The following VPS13B variants were observed in gnomAD, a reference collection of about 807,000 sequenced individuals.
VPS13B encodes the protein vacuolar protein sorting 13 homolog B.
A neutral mutation model predicts 426.4 loss-of-function variants in VPS13B; 285 were observed. The observed-to-expected ratio is 0.67, with a 90% CI of 0.61 to 0.74. The LOEUF is 0.74. Ranked by LOEUF, VPS13B falls within the 30% of genes least tolerant of loss-of-function variation. VPS13B has a pLI of 0.00. For missense variants in VPS13B, 4,537 were observed against 4,782.6 expected (o/e 0.95, Z 1.51); for synonymous variants, 1,676 against 1,676.4 (o/e 1.00, Z 0.01).
intron 16 of VPS13B, among the ~76,000 whole-genome samples, chr8:99,171,277 A>C (rs188127698): frequency 6.6e-6 from 1 of 151,920 alleles, no homozygotes; most frequent in African/African-American, 2.4e-5. Flanking sequence ...GGTATGTTGC[A>C]TTTGAGTCAA....
chr8:99,109,384 C>CTT (rs1218412171), intron 5 of VPS13B, among the ~76,000 whole-genome samples: 5 of 140,862 alleles, frequency 3.5e-5, no homozygotes, highest in South Asian at 2.3e-4. Context: ...CTTTTTCTTT[C>CTT]TTTCTTTTTT....
chr8:99,494,479 T>C (rs1820786298), intron 25 of VPS13B, among the ~76,000 whole-genome samples: 1 of 152,166 alleles, frequency 6.6e-6, no homozygotes, highest in Non-Finnish European at 1.5e-5. Flanking sequence ...GGAATTATTC[T>C]GTTAATTTCT....
intron 33 of VPS13B, among the ~76,000 whole-genome samples, chr8:99,620,814 A>C (rs1588558031): frequency 6.6e-6 from 1 of 151,584 alleles, no homozygotes; most frequent in South Asian, 2.1e-4. Flanking sequence ...TCTACTAAAA[A>C]AAAAAAATAT....
intron 17 of VPS13B, among the ~76,000 whole-genome samples, chr8:99,269,685 A>G (rs1180665016): frequency 2.0e-5 from 3 of 152,176 alleles, no homozygotes; most frequent in African/African-American, 4.8e-5. Context: ...TGCTTCCCTA[A>G]TAGTAAATTT....
intron 39 of VPS13B, among the ~76,000 whole-genome samples, chr8:99,756,551 A>C (rs1437147702): frequency 1.3e-5 from 2 of 152,236 alleles, no homozygotes; most frequent in African/African-American, 2.4e-5. Flanking sequence ...CTTAGACACA[A>C]ACTGTCAAAA....
Position 99,071,380 on chromosome 8 carries a change from G to T in VPS13B, c.292-24932G>T, listed in dbSNP as rs559215700. ...AGAAGTATTGCCTTTGTGGTCTTCAGTAAGGTCCAAGAGAATTTCCTGGAT... is the reference window on the plus strand; with the variant it reads ...AGAAGTATTGCCTTTGTGGTCTTCATTAAGGTCCAAGAGAATTTCCTGGAT... On this transcript the variant is annotated intron_variant, in intron 3 of 61. Transcript: ENST00000357162. Among the ~76,000 whole-genome samples, 94 of 152,258 alleles carry T rather than the reference G, an allele frequency of 6.2e-4. 1 individual carries two copies. Among genetic ancestry groups the T allele is most frequent in the Non-Finnish European group, 4.4e-5 (3 of 68,016 alleles).
At chr8:99,335,014 GA>G (rs1341426311) in intron 19 of VPS13B, among the ~76,000 whole-genome samples, 1 of 152,036 alleles carries the variant, frequency 6.6e-6, no homozygotes, top group Non-Finnish European at 1.5e-5. Flanking sequence ...GTAAGCTATT[GA>G]TTATTGCCAC....
intron 39 of VPS13B, among the ~76,000 whole-genome samples, chr8:99,744,218 A>G (rs1237121661): frequency 1.3e-5 from 2 of 152,246 alleles, no homozygotes; most frequent in Non-Finnish European, 2.9e-5. Context: ...ACATGAAAAA[A>G]TGCTCATCAT....
intron 54 of VPS13B, among the ~76,000 whole-genome samples, chr8:99,848,529 C>T (rs1233231667): frequency 6.6e-6 from 1 of 152,188 alleles, no homozygotes; most frequent in Non-Finnish European, 1.5e-5. Flanking sequence ...AATGAAGATA[C>T]TCATGCCCCA....
At chr8:99,865,166 C>T (rs992104014) in intron 58 of VPS13B, among the ~76,000 whole-genome samples, 15 of 152,166 alleles carry the variant, frequency 9.9e-5, no homozygotes, top group Admixed American at 2.0e-4. Flanking sequence ...GGAAAAACTC[C>T]GTTTAGCCTG....
chr8:99,318,816 C>A (rs934125989), intron 19 of VPS13B, among the ~76,000 whole-genome samples: 1 of 152,100 alleles, frequency 6.6e-6, no homozygotes, highest in South Asian at 2.1e-4. Context: ...CCACCACACC[C>A]GCCCTACATG....
chr8:99,123,990 C>T (rs185861324), intron 8 of VPS13B, among the ~76,000 whole-genome samples: 2 of 152,136 alleles, frequency 1.3e-5, no homozygotes, highest in Admixed American at 6.5e-5. Context: ...ATTTGATAGT[C>T]ATGATCATAT....
intron 12 of VPS13B, among the ~76,000 whole-genome samples, chr8:99,142,410 C>T (rs1205085840): frequency 6.6e-6 from 1 of 151,990 alleles, no homozygotes; most frequent in Non-Finnish European, 1.5e-5. Flanking sequence ...ATTTAGAAAA[C>T]AGTGTATGAG....
rs1256273384 is a variant in VPS13B, at chr8:99,322,044, T to G, written c.2824+46790T>G. 7.9e-5 allele frequency among the ~76,000 whole-genome samples: 12 copies of G among 152,318 alleles called. 1 individual carries two copies. Among genetic ancestry groups the G allele is most frequent in the Middle Eastern group, 3.4e-3 (1 of 294 alleles). On this transcript the variant is annotated intron_variant, in intron 19 of 61. Coordinates refer to ENST00000357162, the MANE Select transcript of VPS13B (RefSeq NM_152564.5). The stretch of plus-strand genomic sequence containing the variant: ...TTAGGTGTTAGAGAATACAATAAAA[T>G]TAGACCCTTATTTGCTCACTGGCCA...
intron 55 of VPS13B, among the ~76,000 whole-genome samples, chr8:99,850,976 A>G (rs1471889063): frequency 6.6e-6 from 1 of 152,190 alleles, no homozygotes; most frequent in African/African-American, 2.4e-5. Context: ...TGCTTCTCAT[A>G]TATGGTTAAG....
intron 23 of VPS13B, among the ~76,000 whole-genome samples, chr8:99,454,229 G>A (rs563765053): frequency 6.6e-6 from 1 of 152,158 alleles, no homozygotes; most frequent in African/African-American, 2.4e-5. Flanking sequence ...CTGTCACCCA[G>A]GCTAGAGTGT....
chr8:99,383,308 T>C (rs929107799), intron 19 of VPS13B, among the ~76,000 whole-genome samples: 2 of 152,136 alleles, frequency 1.3e-5, no homozygotes, highest in African/African-American at 4.8e-5. Flanking sequence ...ATTTTTTGAA[T>C]GATTATAATA....
chr8:99,660,512 T>C (rs1830181511), intron 34 of VPS13B, among the ~76,000 whole-genome samples: 1 of 152,048 alleles, frequency 6.6e-6, no homozygotes, highest in South Asian at 2.1e-4. Context: ...AAAACAATCA[T>C]GAAACTAAAG....
At chr8:99,461,490 CT>C (rs1367830912) in intron 23 of VPS13B, among the ~76,000 whole-genome samples, 3 of 152,172 alleles carry the variant, frequency 2.0e-5, no homozygotes, top group African/African-American at 7.2e-5. Flanking sequence ...ATCTTGCAAG[CT>C]TTTCTAACTT....
Sources: gnomAD v4.1 joint callset for allele counts (sites outside exome capture counted in the v4.1 genomes callset) on GRCh38, gnomAD v4.1.1 for gene constraint, MANE v1.5 for transcripts, NCBI Gene and HGNC (gene_info 2026-07-23, HGNC 2026-07-21) for gene names.